The following ZNF385B variants were observed in gnomAD, a reference collection of about 807,000 sequenced individuals.
The protein encoded by ZNF385B is zinc finger protein 385B, also known as zinc finger protein 533.
A neutral mutation model predicts 39.2 loss-of-function variants in ZNF385B; 23 were observed. That is an observed-to-expected ratio of 0.59 (90% CI 0.42 to 0.83). ZNF385B has a LOEUF of 0.83. ZNF385B is among the 40% of genes least tolerant of loss of function. The probability of loss-of-function intolerance (pLI) is 0.00; values close to 1 mark genes in which losing one functional copy is unlikely to be tolerated. For synonymous variants in ZNF385B, 205 were observed against 222.6 expected, an observed-to-expected ratio of 0.92 and a Z score of 0.70; for missense variants, 552 against 598.9, an observed-to-expected ratio of 0.92 and a Z score of 0.82.
chr2:179,783,433 A>G (rs1404831906), intron 1 of ZNF385B, among the ~76,000 whole-genome samples: 15 of 152,218 alleles, frequency 9.9e-5, no homozygotes. Context: ...CAAAGATTTC[A>G]TGACAATGAC....
At chr2:179,577,063 T>C (rs1011186255) in intron 3 of ZNF385B, among the ~76,000 whole-genome samples, 1 of 152,084 alleles carries the variant, frequency 6.6e-6, no homozygotes, top group Non-Finnish European at 1.5e-5. Context: ...AAAAATATAT[T>C]GAGGCAGTAG....
chr2:179,713,134 G>T (rs1348465448), intron 3 of ZNF385B, among the ~76,000 whole-genome samples: 1 of 152,190 alleles, frequency 6.6e-6, no homozygotes, highest in Non-Finnish European at 1.5e-5. Flanking sequence ...AAGATATGAT[G>T]TTCAGTAAGT....
At chr2:179,566,311 C>T (rs1684571913) in intron 3 of ZNF385B, among the ~76,000 whole-genome samples, 1 of 152,112 alleles carries the variant, frequency 6.6e-6, no homozygotes, top group Non-Finnish European at 1.5e-5. Context: ...TGGGATAGTC[C>T]TCAAAAGCTT....
chr2:179,462,365 T>C (rs2051426636), intron 6 of ZNF385B, among the ~76,000 whole-genome samples: 1 of 152,136 alleles, frequency 6.6e-6, no homozygotes. Flanking sequence ...GAAATAAAGC[T>C]GAAAAGCTCA....
intron 1 of ZNF385B, among the ~76,000 whole-genome samples, chr2:179,799,192 T>C (rs2106552008): frequency 6.6e-6 from 1 of 152,222 alleles, no homozygotes; most frequent in East Asian, 1.9e-4. Flanking sequence ...AACTATATAA[T>C]GATTATACTG....
chr2:179,752,632 T>A (rs1702749754), intron 3 of ZNF385B, among the ~76,000 whole-genome samples: 1 of 152,184 alleles, frequency 6.6e-6, no homozygotes, highest in Non-Finnish European at 1.5e-5. Flanking sequence ...CCATTCTAAC[T>A]GGTGTGAGAT....
intron 3 of ZNF385B, among the ~76,000 whole-genome samples, chr2:179,690,163 A>G (rs372974969): frequency 6.6e-5 from 10 of 152,192 alleles, no homozygotes; most frequent in Admixed American, 6.5e-4. Context: ...TGATAACGGC[A>G]CAATGAGAAA....
rs181457425 is a variant in ZNF385B, at chr2:179,564,959, A to G, written c.299-19990T>C. ...TGCAGACTCTAAAACTTGAAGCTGT[A>G]TTTGACTTCTCCCTCTTCCTTGTCC... On this transcript the variant is annotated intron_variant, in intron 3 of 9. Coordinates refer to ENST00000410066, the MANE Select transcript of ZNF385B (RefSeq NM_152520.6). 4.1e-4 allele frequency among the ~76,000 whole-genome samples: 63 copies of G among 152,254 alleles called. 1 individual carries two copies. Among genetic ancestry groups the G allele is most frequent in the African/African-American group, 1.5e-3 (62 of 41,568 alleles).
chr2:179,596,194 C>A (rs1687984192), intron 3 of ZNF385B, among the ~76,000 whole-genome samples: 1 of 152,148 alleles, frequency 6.6e-6, no homozygotes, highest in Admixed American at 6.5e-5. Flanking sequence ...ACTGGATTCT[C>A]TGCTTAGGAT....
intron 6 of ZNF385B, among the ~76,000 whole-genome samples, chr2:179,453,603 G>C (rs1255441856): frequency 6.6e-6 from 1 of 152,162 alleles, no homozygotes; most frequent in Non-Finnish European, 1.5e-5. Flanking sequence ...TGTGGTCGGA[G>C]GGAGATTGTG....
In ZNF385B at chr2:179,625,441, T is replaced by G. The variant is rs1396456195; in HGVS notation, c.299-80472A>C. ...ATATATTTTTATATATTATGGTTAT[T>G]TGTATTGACAATTCAGCCATTATTT... is the stretch of plus-strand genomic sequence containing the variant. On this transcript the variant is annotated intron_variant, in intron 3 of 9. Coordinates refer to ENST00000410066, the MANE Select transcript of ZNF385B (RefSeq NM_152520.6). Among the ~76,000 whole-genome samples the G allele has an allele frequency of 4.6e-5, 7 of 152,028 alleles. No individual in the cohort carries two copies. In the East Asian group the frequency reaches 1.2e-3, roughly 25 times the overall value.
rs534126912 is a variant in ZNF385B, at chr2:179,706,048, T to C, written c.298+63455A>G. On this transcript the variant is annotated intron_variant, in intron 3 of 9. Transcript: ENST00000410066. ...GAAAGCAATAGGTTAACCCTAAGAATGGCCCTATGGTATAAAAAGAATGTG... is the reference window on the plus strand; with the variant it reads ...GAAAGCAATAGGTTAACCCTAAGAACGGCCCTATGGTATAAAAAGAATGTG... Among the ~76,000 whole-genome samples the C allele has an allele frequency of 2.5e-3, 384 of 152,312 alleles. 3 individuals are homozygous for C. The highest frequency in any genetic ancestry group is 5.4e-3 in the South Asian group (26 of 4,828).
chr2:179,469,597 G>A (rs1013945925), intron 6 of ZNF385B, among the ~76,000 whole-genome samples: 1 of 152,172 alleles, frequency 6.6e-6, no homozygotes. Flanking sequence ...TGGGTAAGTG[G>A]TGGGGTACAT....
Position 179,715,523 on chromosome 2 carries a change from A to G in ZNF385B, c.298+53980T>C, listed in dbSNP as rs569588357. Among the ~76,000 whole-genome samples the G allele has an allele frequency of 2.0e-5, 3 of 152,326 alleles. No individual in the cohort carries two copies. The East Asian group carries it at 5.8e-4, about 29-fold the overall frequency. On this transcript the variant is annotated intron_variant, in intron 3 of 9. Coordinates refer to ENST00000410066, the MANE Select transcript of ZNF385B (RefSeq NM_152520.6). ...AATAACATTTACAGCTGGTTCCATG[A>G]GTTAAGAATGTATGCTAATGAATAT...
intron 4 of ZNF385B, among the ~76,000 whole-genome samples, chr2:179,524,345 G>A (rs995124765): frequency 3.3e-5 from 5 of 151,892 alleles, no homozygotes; most frequent in African/African-American, 7.3e-5. Context: ...GAGGTCAGGA[G>A]ATAGCGACAA....
intron 3 of ZNF385B, among the ~76,000 whole-genome samples, chr2:179,644,760 TCA>T (rs1692568143): frequency 1.3e-5 from 2 of 152,322 alleles, no homozygotes; most frequent in South Asian, 4.1e-4. Context: ...TGCTCATTAC[TCA>T]CAGACTCCAT....
chr2:179,445,107 T>C, intron 8 of ZNF385B, 130 bp from the exon 9 acceptor site: 1 of 762,058 alleles, frequency 1.3e-6, no homozygotes, highest in Non-Finnish European at 2.3e-6. Flanking sequence ...GGTAAAATCA[T>C]TATGATTTCT....
At position 179,792,249 on chromosome 2, in the gene ZNF385B, C is replaced by G. The variant is rs80327427; in HGVS notation, c.-154-21577G>C. 5.6e-3 allele frequency among the ~76,000 whole-genome samples: 844 copies of G among 152,032 alleles called. 4 individuals carry two copies. The highest frequency in any genetic ancestry group is 8.5e-3 in the African/African-American group (352 of 41,474). On this transcript the variant is annotated intron_variant, in intron 1 of 9. Transcript: ENST00000410066. ...CTTCTTATTCTTAATAAAGAGGGACCCCCACAACTCTAATTATTTTTATTA... is the reference window on the plus strand; with the variant it reads ...CTTCTTATTCTTAATAAAGAGGGACGCCCACAACTCTAATTATTTTTATTA...
chr2:179,697,366 G>C (rs532832484), intron 3 of ZNF385B, among the ~76,000 whole-genome samples: 1 of 152,264 alleles, frequency 6.6e-6, no homozygotes, highest in East Asian at 1.9e-4. Flanking sequence ...CATGAGATCT[G>C]ATGGTTTTAT....
Sources: allele counts gnomAD v4.1 joint callset (sites outside exome capture counted in the v4.1 genomes callset), GRCh38; gene constraint gnomAD v4.1.1; transcripts MANE v1.5; gene names NCBI Gene and HGNC (gene_info 2026-07-23, HGNC 2026-07-21).